The following IMMP2L variants were observed in gnomAD, a reference collection of about 807,000 sequenced individuals.
IMMP2L encodes the protein mitochondrial inner membrane protease subunit 2.
In IMMP2L, 18 loss-of-function variants were observed where a neutral mutation model predicts 19.3. That is an observed-to-expected ratio of 0.93 (90% CI 0.64 to 1.38). The LOEUF (loss-of-function observed/expected upper bound fraction) is 1.38, where lower values mean the gene tolerates loss of function less well. Ranked by LOEUF, IMMP2L falls within the 40% of genes most tolerant of loss-of-function variation. The probability of loss-of-function intolerance (pLI) is 0.00; values close to 1 mark genes in which losing one functional copy is unlikely to be tolerated. For missense variants in IMMP2L, 233 were observed against 218.2 expected (o/e 1.07, Z -0.43); for synonymous variants, 76 against 73.0 (o/e 1.04, Z -0.21).
At position 110,735,681 on chromosome 7, in the gene IMMP2L, T is replaced by TACACACACACACAC. The variant is rs3051068; in HGVS notation, c.409-71974_409-71961dup. The stretch of plus-strand genomic sequence containing the variant: ...TATATATATATATATAGTAGACAAA[T>TACACACACACACAC]ACACACACACACACACACACACACA... On this transcript the variant is annotated intron_variant, in intron 5 of 5. Transcript: ENST00000405709. 1.4e-4 allele frequency among the ~76,000 whole-genome samples: 16 copies of TACACACACACACAC among 114,800 alleles called. 1 individual carries two copies. Among genetic ancestry groups the TACACACACACACAC allele is most frequent in the South Asian group, 6.7e-4 (2 of 3,000 alleles). The allele number at this position is 114,800 out of a possible 152,430, so 75.3% of individuals were successfully genotyped here. A position where few individuals can be genotyped will look rare whatever the true frequency, so the allele number is the denominator to read the frequency against.
chr7:110,677,812 G>A (rs1384660234), intron 5 of IMMP2L, among the ~76,000 whole-genome samples: 1 of 152,102 alleles, frequency 6.6e-6, no homozygotes, highest in African/African-American at 2.4e-5. Context: ...GGATAGATAG[G>A]TTAGTACAGG....
chr7:111,040,428 T>C (rs1197801160), intron 3 of IMMP2L, among the ~76,000 whole-genome samples: 1 of 152,058 alleles, frequency 6.6e-6, no homozygotes, highest in East Asian at 1.9e-4. Context: ...CTGAAGCAAA[T>C]ACCCAGTTTA....
intron 3 of IMMP2L, among the ~76,000 whole-genome samples, chr7:111,170,277 C>A (rs1041463698): frequency 5.9e-5 from 9 of 151,732 alleles, no homozygotes; most frequent in Admixed American, 4.0e-4. Flanking sequence ...GAAATCAAGG[C>A]AACCTTCAAA....
At chr7:111,090,626 AAG>A (rs1433621734) in intron 3 of IMMP2L, among the ~76,000 whole-genome samples, 1 of 151,962 alleles carries the variant, frequency 6.6e-6, no homozygotes, top group African/African-American at 2.4e-5. Flanking sequence ...AAAAAAAAAA[AAG>A]TGTTATTGAA....
chr7:111,412,187 G>A (rs180802226), intron 3 of IMMP2L, among the ~76,000 whole-genome samples: 43 of 150,808 alleles, frequency 2.9e-4, no homozygotes, highest in South Asian at 1.9e-3. Context: ...GAACTGAAAG[G>A]AAAAAAAAGA....
chr7:110,933,949 T>C (rs1043763731), intron 4 of IMMP2L, among the ~76,000 whole-genome samples: 1 of 152,220 alleles, frequency 6.6e-6, no homozygotes, highest in Non-Finnish European at 1.5e-5. Context: ...CGATTTTAGA[T>C]CTTTCCTGCT....
At chr7:111,234,391 T>C (rs1018613387) in intron 3 of IMMP2L, among the ~76,000 whole-genome samples, 1 of 152,146 alleles carries the variant, frequency 6.6e-6, no homozygotes, top group African/African-American at 2.4e-5. Flanking sequence ...TAAGAAGGAA[T>C]ATTTAAATCT....
intron 5 of IMMP2L, among the ~76,000 whole-genome samples, chr7:110,697,447 C>T (rs1212423963): frequency 6.6e-6 from 1 of 152,180 alleles, no homozygotes; most frequent in African/African-American, 2.4e-5. Context: ...AGAATCACAA[C>T]AAATTATTTT....
intron 3 of IMMP2L, among the ~76,000 whole-genome samples, chr7:111,370,111 T>G (rs1266347231): frequency 6.6e-6 from 1 of 152,030 alleles, no homozygotes; most frequent in East Asian, 1.9e-4. Context: ...CGGTCAGATC[T>G]GAGTTTAAAC....
chr7:110,684,193 GC>G (rs1792940926), intron 5 of IMMP2L, among the ~76,000 whole-genome samples: 2 of 152,024 alleles, frequency 1.3e-5, no homozygotes, highest in Non-Finnish European at 2.9e-5. Context: ...ATTCCTCATG[GC>G]TAACTATGGA....
chr7:110,881,437 C>T (rs1809619581), intron 5 of IMMP2L, among the ~76,000 whole-genome samples: 1 of 152,116 alleles, frequency 6.6e-6, no homozygotes, highest in African/African-American at 2.4e-5. Context: ...AACCATAAAA[C>T]TATTGTTACC....
chr7:111,555,102 T>C (rs912671774), intron 1 of IMMP2L, among the ~76,000 whole-genome samples: 4 of 152,180 alleles, frequency 2.6e-5, no homozygotes, highest in African/African-American at 7.2e-5. Context: ...CTTCCTGCCA[T>C]ATATATCTTT....
chr7:110,744,137 CACCAGG>C (rs765049851), intron 5 of IMMP2L, among the ~76,000 whole-genome samples: 2 of 152,162 alleles, frequency 1.3e-5, no homozygotes, highest in African/African-American at 4.8e-5. Context: ...TAAACAAAGC[CACCAGG>C]ACGTTCGAAC....
intron 3 of IMMP2L, among the ~76,000 whole-genome samples, chr7:111,261,382 A>C (rs1193583860): frequency 6.6e-6 from 1 of 152,146 alleles, no homozygotes; most frequent in Non-Finnish European, 1.5e-5. Context: ...GTGAAAACTA[A>C]TTAAGGAATT....
intron 3 of IMMP2L, among the ~76,000 whole-genome samples, chr7:111,057,648 T>G (rs1793637653): frequency 6.6e-6 from 1 of 152,320 alleles, no homozygotes; most frequent in African/African-American, 2.4e-5. Flanking sequence ...GTGACACTAG[T>G]ACTCTCAAAT....
chr7:111,492,013 T>C (rs187502409), intron 2 of IMMP2L, among the ~76,000 whole-genome samples: 2 of 151,894 alleles, frequency 1.3e-5, no homozygotes, highest in East Asian at 1.9e-4. Flanking sequence ...CCACAACTCA[T>C]AAGATCAAAA....
intron 5 of IMMP2L, among the ~76,000 whole-genome samples, chr7:110,767,460 C>G (rs1172011769): frequency 6.6e-6 from 1 of 152,142 alleles, no homozygotes; most frequent in Non-Finnish European, 1.5e-5. Flanking sequence ...CCACCCTTTC[C>G]TCAGGCTAAG....
chr7:110,918,747 C>T (rs567979515), intron 4 of IMMP2L, among the ~76,000 whole-genome samples: 55 of 150,904 alleles, frequency 3.6e-4, no homozygotes, highest in African/African-American at 1.3e-3. Context: ...AGCCACTGCA[C>T]CTGGCCCCAG....
At position 110,821,837 on chromosome 7, in the gene IMMP2L, C is replaced by T. The variant is rs141189742; in HGVS notation, c.408+64756G>A. Among the ~76,000 whole-genome samples the T allele has an allele frequency of 1.9e-4, 29 of 152,144 alleles. No individual in the cohort carries two copies. The East Asian group carries it at 4.1e-3, about 21-fold the overall frequency. ...ACTTGGAAGGCTGAGGCAGGAGAAT[C>T]GCTTGAACCCAGTAGGTGGAGGTTG... On this transcript the variant is annotated intron_variant, in intron 5 of 5. Transcript: ENST00000405709.
Sources: gnomAD v4.1 joint callset for allele counts (sites outside exome capture counted in the v4.1 genomes callset) on GRCh38, gnomAD v4.1.1 for gene constraint, MANE v1.5 for transcripts, NCBI Gene and HGNC (gene_info 2026-07-23, HGNC 2026-07-21) for gene names.